SEMA6D: variants seen among roughly 807,000 people sequenced by gnomAD.
SEMA6D encodes semaphorin-6D.
A neutral mutation model predicts 106.6 loss-of-function variants in SEMA6D; 35 were observed. The observed-to-expected ratio is 0.33, with a 90% CI of 0.25 to 0.44. The LOEUF (loss-of-function observed/expected upper bound fraction) is 0.44. Among genes scored for constraint, SEMA6D ranks in the 20% least tolerant of loss-of-function variants. The pLI, the probability that SEMA6D is intolerant of heterozygous loss-of-function variation, is 1.00. For missense variants in SEMA6D, 1,185 were observed against 1,345.9 expected (o/e 0.88, Z 1.87); for synonymous variants, 499 against 487.7 (o/e 1.02, Z -0.31).
intron 3 of SEMA6D, among the ~76,000 whole-genome samples, chr15:47,499,791 T>C (rs527475251): frequency 2.9e-4 from 44 of 152,218 alleles, no homozygotes; most frequent in Admixed American, 1.4e-3. Flanking sequence ...AAATCTTGGG[T>C]TGATAGCCTG....
intron 1 of SEMA6D, among the ~76,000 whole-genome samples, chr15:47,231,226 T>C (rs569909023): frequency 6.6e-6 from 1 of 152,102 alleles, no homozygotes; most frequent in East Asian, 1.9e-4. Context: ...CAGGCAGTTC[T>C]CTCATCCTGT....
chr15:47,273,061 T>C (rs1003640034), intron 1 of SEMA6D, among the ~76,000 whole-genome samples: 2 of 152,186 alleles, frequency 1.3e-5, no homozygotes, highest in African/African-American at 4.8e-5. Flanking sequence ...CCTGTAAGGT[T>C]GGGAACCCTG....
chr15:47,370,185 G>C (rs576605969), intron 1 of SEMA6D, among the ~76,000 whole-genome samples: 1 of 152,306 alleles, frequency 6.6e-6, no homozygotes, highest in African/African-American at 2.4e-5. Flanking sequence ...CTGAGGGCTT[G>C]TCAGGTTTAT....
chr15:47,256,596 C>T (rs1156744811), intron 1 of SEMA6D, among the ~76,000 whole-genome samples: 1 of 152,158 alleles, frequency 6.6e-6, no homozygotes, highest in Non-Finnish European at 1.5e-5. Context: ...TGTGGTGGCT[C>T]ACACCTGTAA....
At chr15:47,420,311 G>A (rs539371477) in intron 2 of SEMA6D, among the ~76,000 whole-genome samples, 5 of 152,094 alleles carry the variant, frequency 3.3e-5, no homozygotes, top group South Asian at 4.2e-4. Flanking sequence ...ACTGATTTTC[G>A]TCATTTAAAG....
intron 2 of SEMA6D, among the ~76,000 whole-genome samples, chr15:47,453,946 A>T (rs1430067495): frequency 6.6e-6 from 1 of 151,952 alleles, no homozygotes; most frequent in Non-Finnish European, 1.5e-5. Flanking sequence ...CTTTTTGGCC[A>T]TGTGAATCTG....
chr15:47,765,894 A>G lies in SEMA6D; in HGVS notation c.1453A>G (p.Lys485Glu), dbSNP rs201444333. Residue 485 changes from lysine to glutamate, a missense_variant, in exon 14 of 19, where the codon AAA becomes GAA. Coordinates refer to ENST00000536845, the MANE Select transcript of SEMA6D (RefSeq NM_001358351.3). ...GTGCAGTGCTGAGAATGAGGAAGAC[A>G]AAAAGGTCATCTCATTACAGTTGGA... The part of the protein sequence containing the change: ...AKCSAENEED[K>E]KVISLQLDKD... The G allele has an allele frequency of 6.5e-7, 1 of 1,527,170 alleles. No individual in the cohort carries two copies. Among genetic ancestry groups the G allele is most frequent in the Admixed American group, 2.1e-5 (1 of 46,954 alleles). The allele number at this position is 1,527,170 out of a possible 1,614,324, so 94.6% of individuals were successfully genotyped here.
chr15:47,339,378 G>A (rs1053802610), intron 1 of SEMA6D, among the ~76,000 whole-genome samples: 5 of 152,160 alleles, frequency 3.3e-5, no homozygotes, highest in Non-Finnish European at 5.9e-5. Flanking sequence ...CCCATGGGAT[G>A]TGACACCATC....
At position 47,353,462 on chromosome 15, in the gene SEMA6D, A is replaced by C. The variant is rs563114252; in HGVS notation, c.-238-58931A>C. On this transcript the variant is annotated intron_variant, in intron 1 of 19. Transcript: ENST00000558014. ...AAGAGTTGCACATTCCTTGCTTTCT[A>C]CCTGGATACCTTTCCACATGCCGTT... is the stretch of plus-strand genomic sequence containing the variant. 1.3e-4 allele frequency among the ~76,000 whole-genome samples: 20 copies of C among 152,252 alleles called. No homozygotes were observed. The East Asian group carries it at 3.9e-3, about 29-fold the overall frequency.
intron 3 of SEMA6D, among the ~76,000 whole-genome samples, chr15:47,484,794 A>T (rs2043250977): frequency 6.6e-6 from 1 of 152,190 alleles, no homozygotes; most frequent in Non-Finnish European, 1.5e-5. Context: ...CTTAACAATA[A>T]ATAAAAATAC....
intron 2 of SEMA6D, among the ~76,000 whole-genome samples, chr15:47,453,740 G>A (rs1195836193): frequency 6.6e-6 from 1 of 151,892 alleles, no homozygotes; most frequent in African/African-American, 2.4e-5. Flanking sequence ...CAAAAAGATG[G>A]CGTAGAAGAG....
At chr15:47,683,397 T>C (rs114689653) in intron 4 of SEMA6D, among the ~76,000 whole-genome samples, 2,184 of 152,296 alleles carry the variant, frequency 0.014, 51 homozygotes, top group African/African-American at 0.051. Context: ...ATTTCATTCT[T>C]TTTTATGTCT....
intron 1 of SEMA6D, among the ~76,000 whole-genome samples, chr15:47,719,171 G>A (rs952184525): frequency 6.6e-6 from 1 of 151,964 alleles, no homozygotes; most frequent in Non-Finnish European, 1.5e-5. Flanking sequence ...GGGTGTGGAG[G>A]GGGATTGAAG....
intron 1 of SEMA6D, chr15:47,718,545 TC>T (rs2079226226): frequency 6.6e-6 from 1 of 152,186 alleles, no homozygotes. Context: ...GCGGGCGGAC[TC>T]CCGGGCCCGG....
chr15:47,759,406 T>G (rs2081945856), intron 1 of SEMA6D, among the ~76,000 whole-genome samples: 1 of 152,156 alleles, frequency 6.6e-6, no homozygotes, highest in Non-Finnish European at 1.5e-5. Flanking sequence ...GGAATTTAAT[T>G]AAAATTCTTA....
chr15:47,450,165 T>C (rs1392861135), intron 2 of SEMA6D, among the ~76,000 whole-genome samples: 1 of 152,184 alleles, frequency 6.6e-6, no homozygotes, highest in Non-Finnish European at 1.5e-5. Context: ...TAAATGCATG[T>C]TAAATAGATA....
At chr15:47,496,873 A>C (rs1169175512) in intron 3 of SEMA6D, among the ~76,000 whole-genome samples, 2 of 151,860 alleles carry the variant, frequency 1.3e-5, no homozygotes, top group Non-Finnish European at 2.9e-5. Context: ...GCCACCAAAA[A>C]CCACTTGAGA....
chr15:47,516,537 A>G (rs967095810), intron 3 of SEMA6D, among the ~76,000 whole-genome samples: 1 of 152,200 alleles, frequency 6.6e-6, no homozygotes, highest in Non-Finnish European at 1.5e-5. Flanking sequence ...TCCAGGATAT[A>G]GGATGAAGCC....
intron 1 of SEMA6D, among the ~76,000 whole-genome samples, chr15:47,747,822 T>C (rs533810381): frequency 3.9e-5 from 6 of 152,362 alleles, no homozygotes; most frequent in Middle Eastern, 3.4e-3. Context: ...AAAAAGGCCA[T>C]TGGCCAAAGA....
Sources: allele counts gnomAD v4.1 joint callset (sites outside exome capture counted in the v4.1 genomes callset), GRCh38; gene constraint gnomAD v4.1.1; transcripts MANE v1.5; gene names NCBI Gene and HGNC (gene_info 2026-07-23, HGNC 2026-07-21).